MSI2: variants seen among roughly 807,000 people sequenced by gnomAD.
MSI2 encodes musashi RNA binding protein 2.
Under a neutral mutation model 45.6 loss-of-function variants are expected in MSI2, and 17 were observed. That is an observed-to-expected ratio of 0.37 (90% CI 0.26 to 0.56). The LOEUF is 0.56. Among genes scored for constraint, MSI2 ranks in the 20% least tolerant of loss-of-function variants. The pLI is 0.77. For synonymous variants in MSI2, 156 were observed against 158.2 expected, an observed-to-expected ratio of 0.99 and a Z score of 0.11; for missense variants, 293 against 444.2, an observed-to-expected ratio of 0.66 and a Z score of 3.06.
chr17:57,620,487 C>T (rs1908184479), intron 9 of MSI2, among the ~76,000 whole-genome samples: 1 of 152,212 alleles, frequency 6.6e-6, no homozygotes, highest in Admixed American at 6.5e-5. Flanking sequence ...GTCTTCAAAT[C>T]AGCAAGGTAT....
chr17:57,402,815 C>G (rs912806973), intron 6 of MSI2, among the ~76,000 whole-genome samples: 4 of 152,192 alleles, frequency 2.6e-5, no homozygotes, highest in African/African-American at 7.2e-5. Context: ...AAGGCCTCCC[C>G]CATGGCCCTT....
chr17:57,622,097 G>A (rs1255126133), intron 9 of MSI2, among the ~76,000 whole-genome samples: 2 of 152,222 alleles, frequency 1.3e-5, no homozygotes, highest in Non-Finnish European at 2.9e-5. Context: ...TACTCGGGAG[G>A]CTGAGGCAGA....
At chr17:57,268,094 C>A (rs1907985539) in intron 5 of MSI2, 1 of 152,202 alleles carries the variant, frequency 6.6e-6, no homozygotes, top group Admixed American at 6.5e-5. Flanking sequence ...AAGCCCCTTC[C>A]AACAATAATA....
intron 7 of MSI2, among the ~76,000 whole-genome samples, chr17:57,557,308 G>C (rs539201256): frequency 1.3e-5 from 2 of 152,334 alleles, no homozygotes; most frequent in East Asian, 3.9e-4. Flanking sequence ...TACGCAAGAT[G>C]AGTCCAGGAA....
At chr17:57,637,505 G>A (rs1321883090) in intron 10 of MSI2, among the ~76,000 whole-genome samples, 2 of 152,190 alleles carry the variant, frequency 1.3e-5, no homozygotes, top group Non-Finnish European at 2.9e-5. Context: ...GCCTCTTGAA[G>A]CTCCTCTGCA....
chr17:57,272,015 C>T (rs976176751), intron 5 of MSI2, among the ~76,000 whole-genome samples: 1 of 152,036 alleles, frequency 6.6e-6, no homozygotes, highest in Non-Finnish European at 1.5e-5. Flanking sequence ...AAATGTGATG[C>T]TGAGTGACAT....
intron 5 of MSI2, among the ~76,000 whole-genome samples, chr17:57,317,374 T>A (rs1161572798): frequency 6.6e-6 from 1 of 152,048 alleles, no homozygotes; most frequent in African/African-American, 2.4e-5. Flanking sequence ...TTTAACCCCA[T>A]CAGAAAGGCA....
At chr17:57,420,717 C>A (rs546664162) in intron 6 of MSI2, among the ~76,000 whole-genome samples, 1 of 152,308 alleles carries the variant, frequency 6.6e-6, no homozygotes, top group South Asian at 2.1e-4. Context: ...GTCCCATGGG[C>A]TATCTGGAAG....
chr17:57,340,916 G>C (rs1359203652), intron 5 of MSI2, among the ~76,000 whole-genome samples: 4 of 152,192 alleles, frequency 2.6e-5, no homozygotes, highest in African/African-American at 9.7e-5. Flanking sequence ...AGCCCTGGCA[G>C]TTGCACCTGC....
At chr17:57,555,556 TG>T (rs1304408901) in intron 7 of MSI2, among the ~76,000 whole-genome samples, 2 of 152,158 alleles carry the variant, frequency 1.3e-5, no homozygotes, top group African/African-American at 4.8e-5. Context: ...ACCTTTCCTT[TG>T]ATAAACTCCT....
intron 6 of MSI2, among the ~76,000 whole-genome samples, chr17:57,471,277 CTTTTTTTTT>C (rs529448901): frequency 2.4e-5 from 2 of 83,702 alleles, no homozygotes; most frequent in Non-Finnish European, 2.2e-5. Flanking sequence ...TTATGGAGCA[CTTTTTTTTT>C]TTTTTTTTTT....
intron 5 of MSI2, among the ~76,000 whole-genome samples, chr17:57,305,017 G>T (rs935808279): frequency 6.6e-6 from 1 of 152,148 alleles, no homozygotes; most frequent in Non-Finnish European, 1.5e-5. Context: ...CCAGGTCTTC[G>T]CTCTCAGAGA....
At chr17:57,556,830 A>T (rs1216891422) in intron 7 of MSI2, among the ~76,000 whole-genome samples, 3 of 152,252 alleles carry the variant, frequency 2.0e-5, no homozygotes, top group East Asian at 3.8e-4. Context: ...TCCTCCCAAC[A>T]GTACTAATAA....
At chr17:57,321,270 CA>C (rs1411407475) in intron 5 of MSI2, among the ~76,000 whole-genome samples, 2 of 151,862 alleles carry the variant, frequency 1.3e-5, no homozygotes, top group Non-Finnish European at 2.9e-5. Flanking sequence ...CTTCCAGGCC[CA>C]ATCTCTCCGT....
intron 7 of MSI2, among the ~76,000 whole-genome samples, chr17:57,533,937 G>A (rs1422187141): frequency 6.6e-6 from 1 of 152,252 alleles, no homozygotes; most frequent in Non-Finnish European, 1.5e-5. Context: ...CATTCCTGAA[G>A]GGGATCTAAG....
intron 5 of MSI2, among the ~76,000 whole-genome samples, chr17:57,380,937 C>A (rs2083587659): frequency 6.6e-6 from 1 of 152,174 alleles, no homozygotes; most frequent in South Asian, 2.1e-4. Context: ...AGGGGGTCTT[C>A]AGCAGTCCTG....
At chr17:57,299,431 C>T (rs546970277) in intron 5 of MSI2, among the ~76,000 whole-genome samples, 10 of 152,230 alleles carry the variant, frequency 6.6e-5, no homozygotes, top group East Asian at 5.8e-4. Context: ...GTGAGAGACA[C>T]GTAACTCCTC....
intron 6 of MSI2, among the ~76,000 whole-genome samples, chr17:57,422,184 A>G (rs1002798284): frequency 1.3e-5 from 2 of 152,204 alleles, no homozygotes; most frequent in East Asian, 1.9e-4. Context: ...AAATGGGGCC[A>G]GGTGCGGTGG....
At chr17:57,668,132 G>A (rs987349647) in intron 11 of MSI2, among the ~76,000 whole-genome samples, 1 of 152,184 alleles carries the variant, frequency 6.6e-6, no homozygotes, top group African/African-American at 2.4e-5. Context: ...CCAGGAGGCA[G>A]AGGTTGCAGT....
Sources: allele counts gnomAD v4.1 joint callset (sites outside exome capture counted in the v4.1 genomes callset), GRCh38; gene constraint gnomAD v4.1.1; transcripts MANE v1.5; gene names NCBI Gene and HGNC (gene_info 2026-07-23, HGNC 2026-07-21).